The following ANK3 variants were observed in gnomAD, a reference collection of about 807,000 sequenced individuals.
The protein encoded by ANK3 is ankyrin 3.
Under a neutral mutation model 370.9 loss-of-function variants are expected in ANK3, and 57 were observed. The observed-to-expected ratio is 0.15, with a 90% confidence interval of 0.12 to 0.19. The LOEUF (loss-of-function observed/expected upper bound fraction) is 0.19. Among genes scored for constraint, ANK3 ranks in the 10% least tolerant of loss-of-function variants. The pLI, the probability that ANK3 is intolerant of heterozygous loss-of-function variation, is 1.00. For missense variants in ANK3, 4,439 were observed against 5,302.1 expected (o/e 0.84, Z 5.06); for synonymous variants, 1,929 against 1,946.3 (o/e 0.99, Z 0.23).
intron 23 of ANK3, among the ~76,000 whole-genome samples, chr10:60,142,972 G>T (rs1452736055): frequency 6.6e-6 from 1 of 152,132 alleles, no homozygotes; most frequent in Non-Finnish European, 1.5e-5. Context: ...GGGGTAATAA[G>T]TCTGCCTCTA....
At chr10:60,684,652 C>A (rs1422818173) in intron 1 of ANK3, 2 of 1,588,900 alleles carry the variant, frequency 1.3e-6, no homozygotes, top group Admixed American at 3.4e-5. Flanking sequence ...AAATACCGTA[C>A]CTACCAAAGC....
intron 1 of ANK3, among the ~76,000 whole-genome samples, chr10:60,693,592 C>T (rs1318910618): frequency 1.3e-5 from 2 of 152,304 alleles, no homozygotes; most frequent in African/African-American, 2.4e-5. Flanking sequence ...GTCCCTGACC[C>T]CTGACCCCCA....
intron 2 of ANK3, among the ~76,000 whole-genome samples, chr10:60,421,348 CAAT>C (rs756830093): frequency 3.7e-4 from 56 of 151,292 alleles, no homozygotes; most frequent in Non-Finnish European, 6.6e-4. Flanking sequence ...TCTTTTATTA[CAAT>C]AAAAAAGTGG....
intron 1 of ANK3, among the ~76,000 whole-genome samples, chr10:60,362,257 A>C (rs192658792): frequency 3.3e-5 from 5 of 152,358 alleles, no homozygotes; most frequent in African/African-American, 1.2e-4. Flanking sequence ...AACTTTGTAC[A>C]TATATCTTTG....
chr10:60,424,588 C>A (rs1024029344), intron 2 of ANK3, among the ~76,000 whole-genome samples: 1 of 152,006 alleles, frequency 6.6e-6, no homozygotes, highest in Admixed American at 6.6e-5. Context: ...CCCTTGAGAA[C>A]CTTACAATTC....
At chr10:60,172,523 G>T in intron 20 of ANK3, 120 bp from the exon 21 acceptor site, 1 of 783,368 alleles carries the variant, frequency 1.3e-6, no homozygotes, top group Non-Finnish European at 2.1e-6. Flanking sequence ...ACAAATAAGT[G>T]TTTCATTAGA....
intron 2 of ANK3, among the ~76,000 whole-genome samples, chr10:60,613,304 T>G (rs1443443905): frequency 1.3e-5 from 2 of 152,194 alleles, no homozygotes; most frequent in Non-Finnish European, 2.9e-5. Context: ...CAAATGAGTT[T>G]GGGATAAGAC....
rs375032294 is a variant in ANK3 at position 60,665,199 on chromosome 10, A to G, written c.58-49975T>C. Among the ~76,000 whole-genome samples, 15 of 152,280 alleles carry G rather than the reference A, an allele frequency of 9.9e-5. No individual in the cohort carries two copies. The East Asian group carries it at 2.3e-3, about 23-fold the overall frequency. ...TCTTGAGGAACACTGGGGGCACAAA[A>G]CACTGTTAAAAATTTATTTTTAAGC... On this transcript the variant is annotated intron_variant, in intron 1 of 43. Transcript: ENST00000373827.
At chr10:60,675,827 A>T (rs2079117455) in intron 1 of ANK3, among the ~76,000 whole-genome samples, 1 of 152,250 alleles carries the variant, frequency 6.6e-6, no homozygotes, top group Non-Finnish European at 1.5e-5. Flanking sequence ...GATAAGAAAT[A>T]AAAAAGATAT....
chr10:60,352,573 T>C (rs75070007), intron 1 of ANK3, among the ~76,000 whole-genome samples: 2 of 152,274 alleles, frequency 1.3e-5, no homozygotes, highest in South Asian at 2.1e-4. Context: ...TTGGCATACA[T>C]TGGTATTATC....
At chr10:60,356,961 G>T (rs780158173) in intron 1 of ANK3, among the ~76,000 whole-genome samples, 87 of 152,124 alleles carry the variant, frequency 5.7e-4, no homozygotes, top group Non-Finnish European at 1.1e-3. Flanking sequence ...CACCCGCCTT[G>T]GCCTCCTAAA....
intron 2 of ANK3, among the ~76,000 whole-genome samples, chr10:60,395,556 C>CTTTCTTTCTTTCT (rs1555367080): frequency 2.7e-4 from 20 of 73,056 alleles, no homozygotes; most frequent in African/African-American, 8.3e-4. Context: ...ATGCCTCTTT[C>CTTTCTTTCTTTCT]TTTCTTTCTT....
intron 7 of ANK3, among the ~76,000 whole-genome samples, chr10:60,252,929 T>C (rs948543478): frequency 1.3e-5 from 2 of 152,224 alleles, no homozygotes; most frequent in African/African-American, 4.8e-5. Flanking sequence ...TCTTGAGCCC[T>C]TGCCCATGTC....
At chr10:60,465,830 A>G (rs1423205991) in intron 2 of ANK3, among the ~76,000 whole-genome samples, 1 of 148,470 alleles carries the variant, frequency 6.7e-6, no homozygotes, top group Non-Finnish European at 1.5e-5. Flanking sequence ...CTTAGGATGA[A>G]GAGTTAGGGT....
At chr10:60,090,385 T>G (rs2087964674) in intron 28 of ANK3, among the ~76,000 whole-genome samples, 1 of 152,150 alleles carries the variant, frequency 6.6e-6, no homozygotes, top group Non-Finnish European at 1.5e-5. Flanking sequence ...AGGGGAAACT[T>G]TCCTATACAA....
At chr10:60,055,314 G>A (rs2078950128) in intron 42 of ANK3, among the ~76,000 whole-genome samples, 1 of 152,134 alleles carries the variant, frequency 6.6e-6, no homozygotes, top group Admixed American at 6.5e-5. Flanking sequence ...GTGGGAGTTA[G>A]GAAACCTAAA....
intron 2 of ANK3, among the ~76,000 whole-genome samples, chr10:60,418,284 C>A (rs1791948876): frequency 6.6e-6 from 1 of 152,186 alleles, no homozygotes; most frequent in Non-Finnish European, 1.5e-5. Context: ...ATACACCACA[C>A]TGACTCACTG....
At chr10:60,545,248 A>T (rs992649893) in intron 2 of ANK3, among the ~76,000 whole-genome samples, 2 of 152,060 alleles carry the variant, frequency 1.3e-5, no homozygotes, top group African/African-American at 4.8e-5. Context: ...TACAAGAAAG[A>T]TACCAAAGTT....
chr10:60,590,909 C>T (rs1174740909), intron 2 of ANK3, among the ~76,000 whole-genome samples: 2 of 151,620 alleles, frequency 1.3e-5, no homozygotes, highest in Non-Finnish European at 2.9e-5. Flanking sequence ...ATTTTCAATC[C>T]ACAGTTTGTT....
Sources: gnomAD v4.1 joint callset for allele counts (sites outside exome capture counted in the v4.1 genomes callset) on GRCh38, gnomAD v4.1.1 for gene constraint, MANE v1.5 for transcripts, NCBI Gene and HGNC (gene_info 2026-07-23, HGNC 2026-07-21) for gene names.